The following CAPZA2 variants were observed in gnomAD, a reference collection of about 807,000 sequenced individuals.
CAPZA2 encodes the protein F-actin-capping protein subunit alpha-2.
A neutral mutation model predicts 44.0 loss-of-function variants in CAPZA2; 13 were observed. The ratio of observed to expected loss-of-function variants is 0.30; its 90% CI spans 0.19 to 0.47. The LOEUF (loss-of-function observed/expected upper bound fraction) is 0.47. Among genes scored for constraint, CAPZA2 ranks in the 20% least tolerant of loss-of-function variants. The pLI is 1.00. For missense variants in CAPZA2, 244 were observed against 338.6 expected (o/e 0.72, Z 2.19); for synonymous variants, 94 against 108.2 (o/e 0.87, Z 0.81).
At chr7:116,877,785 G>T (rs1221326713) in intron 1 of CAPZA2, among the ~76,000 whole-genome samples, 2 of 152,166 alleles carry the variant, frequency 1.3e-5, no homozygotes, top group African/African-American at 4.8e-5. Flanking sequence ...AATCTTGTTG[G>T]CATTGGGGAA....
intron 6 of CAPZA2, among the ~76,000 whole-genome samples, chr7:116,908,887 T>C (rs1791550198): frequency 6.6e-6 from 1 of 152,196 alleles, no homozygotes; most frequent in Non-Finnish European, 1.5e-5. Flanking sequence ...GTAGAACATA[T>C]ACATTGTTCT....
chr7:116,868,057 T>G (rs1313691669), intron 1 of CAPZA2, among the ~76,000 whole-genome samples: 1 of 152,226 alleles, frequency 6.6e-6, no homozygotes, highest in Non-Finnish European at 1.5e-5. Flanking sequence ...TGCTCATGAC[T>G]TTTCATCTAC....
chr7:116,916,919 G>A (rs1791687632), intron 9 of CAPZA2, among the ~76,000 whole-genome samples: 1 of 152,192 alleles, frequency 6.6e-6, no homozygotes, highest in African/African-American at 2.4e-5. Flanking sequence ...AAATATGCCA[G>A]ACTTTAAGTG....
chr7:116,906,046 T>G (rs1024615416), intron 5 of CAPZA2, among the ~76,000 whole-genome samples: 2 of 152,222 alleles, frequency 1.3e-5, no homozygotes, highest in Non-Finnish European at 2.9e-5. Flanking sequence ...GAATTGTATT[T>G]TATTTAGTGT....
intron 4 of CAPZA2, among the ~76,000 whole-genome samples, chr7:116,900,602 A>G (rs751667733): frequency 1.1e-4 from 16 of 151,958 alleles, no homozygotes; most frequent in Non-Finnish European, 2.1e-4. Flanking sequence ...AGCTTCATCA[A>G]AAAAAGGCAT....
intron 1 of CAPZA2, among the ~76,000 whole-genome samples, chr7:116,886,828 G>A (rs1796767170): frequency 6.6e-6 from 1 of 152,208 alleles, no homozygotes; most frequent in African/African-American, 2.4e-5. Context: ...ACCATGTAGT[G>A]TGATTGGATG....
chr7:116,903,659 A>G (rs1327740655), intron 4 of CAPZA2, among the ~76,000 whole-genome samples: 5 of 152,214 alleles, frequency 3.3e-5, no homozygotes, highest in Admixed American at 6.5e-5. Context: ...TTGGAAGTCA[A>G]TTAAAATCAG....
intron 4 of CAPZA2, among the ~76,000 whole-genome samples, chr7:116,901,196 A>T (rs1796989958): frequency 6.6e-6 from 1 of 152,196 alleles, no homozygotes; most frequent in Admixed American, 6.5e-5. Flanking sequence ...TATTATAAAG[A>T]AACATGCTCA....
chr7:116,888,000 T>A, intron 1 of CAPZA2, 127 bp from the exon 2 acceptor site: 2 of 633,194 alleles, frequency 3.2e-6, no homozygotes, highest in East Asian at 5.4e-5. Context: ...AGTGAAAAAG[T>A]ATCACTGTAT....
chr7:116,904,223 A>G lies in CAPZA2; in HGVS notation c.266A>G (p.Asp89Gly), dbSNP rs1295538180. 1 of 1,613,956 alleles carries G rather than the reference A, an allele frequency of 6.2e-7. No individual in the cohort carries two copies. Residue 89 changes from aspartate to glycine, a missense_variant, in exon 5 of 10, where the codon GAT becomes GGT. Asp to Gly is a moderately conservative substitution (Grantham distance 94). Coordinates refer to ENST00000361183, the MANE Select transcript of CAPZA2 (RefSeq NM_006136.3). ...HGDLGNGKFLDPKNRICFKFD... is the reference protein window; with the variant it reads ...HGDLGNGKFLGPKNRICFKFD... The stretch of plus-strand genomic sequence containing the variant: ...GACTTGGGAAATGGAAAGTTTTTGG[A>G]TCCAAAGAACAGAATCTGTTTTAAA...
intron 1 of CAPZA2, among the ~76,000 whole-genome samples, chr7:116,879,828 C>G (rs1315175220): frequency 6.6e-6 from 1 of 152,134 alleles, no homozygotes; most frequent in Non-Finnish European, 1.5e-5. Context: ...CATTCCCTCA[C>G]CATTTTGAAT....
intron 5 of CAPZA2, 140 bp downstream of exon 5, chr7:116,904,523 C>T (rs1673713347): frequency 3.3e-6 from 2 of 601,754 alleles, no homozygotes; most frequent in African/African-American, 1.9e-5. Flanking sequence ...AGAATGTTTA[C>T]TATTTTTTCA....
At chr7:116,880,317 C>G (rs1796675129) in intron 1 of CAPZA2, among the ~76,000 whole-genome samples, 1 of 152,182 alleles carries the variant, frequency 6.6e-6, no homozygotes, top group Non-Finnish European at 1.5e-5. Context: ...TTAGAATCCT[C>G]TATTTAATCC....
At chr7:116,887,464 G>A (rs1796777478) in intron 1 of CAPZA2, among the ~76,000 whole-genome samples, 1 of 151,716 alleles carries the variant, frequency 6.6e-6, no homozygotes, top group Non-Finnish European at 1.5e-5. Flanking sequence ...GGAGGCAGGG[G>A]TTGCAGTGAG....
intron 1 of CAPZA2, among the ~76,000 whole-genome samples, chr7:116,872,239 A>G (rs1796562866): frequency 6.6e-6 from 1 of 152,168 alleles, no homozygotes; most frequent in African/African-American, 2.4e-5. Context: ...AGAACATTCT[A>G]GGGTGTATAA....
At chr7:116,881,424 G>A (rs1188304797) in intron 1 of CAPZA2, among the ~76,000 whole-genome samples, 4 of 151,900 alleles carry the variant, frequency 2.6e-5, no homozygotes, top group African/African-American at 4.8e-5. Flanking sequence ...CTGTATTCAG[G>A]GCATTCTTTT....
intron 1 of CAPZA2, among the ~76,000 whole-genome samples, chr7:116,882,176 A>G (rs989342776): frequency 6.6e-6 from 1 of 152,202 alleles, no homozygotes; most frequent in African/African-American, 2.4e-5. Context: ...GTCACCTGGG[A>G]AGATACTTAC....
intron 5 of CAPZA2, among the ~76,000 whole-genome samples, chr7:116,905,354 C>G (rs747969147): frequency 1.3e-5 from 2 of 152,000 alleles, no homozygotes; most frequent in Non-Finnish European, 2.9e-5. Flanking sequence ...AGAGATTTCC[C>G]GTTGCCTGGA....
At chr7:116,870,387 A>G (rs572597814) in intron 1 of CAPZA2, among the ~76,000 whole-genome samples, 3 of 152,360 alleles carry the variant, frequency 2.0e-5, no homozygotes, top group Admixed American at 6.5e-5. Context: ...TTGTGTAAAA[A>G]GAATTCAGTT....
Sources: gnomAD v4.1 joint callset for allele counts (sites outside exome capture counted in the v4.1 genomes callset) on GRCh38, gnomAD v4.1.1 for gene constraint, MANE v1.5 for transcripts, NCBI Gene and HGNC (gene_info 2026-07-23, HGNC 2026-07-21) for gene names.